The following NOVA1 variants were observed in gnomAD, a reference collection of about 807,000 sequenced individuals.
NOVA1 encodes the protein RNA-binding protein Nova-1.
A neutral mutation model predicts 38.0 loss-of-function variants in NOVA1; 7 were observed. That is an observed-to-expected ratio of 0.18 (90% CI 0.10 to 0.35). The LOEUF (loss-of-function observed/expected upper bound fraction) is 0.35. Among genes scored for constraint, NOVA1 ranks in the 10% least tolerant of loss-of-function variants. The pLI is 1.00. For synonymous variants in NOVA1, 270 were observed against 232.5 expected (o/e 1.16, Z -1.47); for missense variants, 460 against 616.0 (o/e 0.75, Z 2.68).
chr14:26,554,567 G>A (rs1199501783), intron 2 of NOVA1, among the ~76,000 whole-genome samples: 2 of 151,970 alleles, frequency 1.3e-5, no homozygotes, highest in African/African-American at 4.8e-5. Context: ...GAAGTGCTCA[G>A]AAATCTATGA....
chr14:26,462,069 A>G (rs1369379994), intron 4 of NOVA1, among the ~76,000 whole-genome samples: 2 of 152,192 alleles, frequency 1.3e-5, no homozygotes. Context: ...ATTATTGACA[A>G]AAAGATTTTT....
intron 2 of NOVA1, among the ~76,000 whole-genome samples, chr14:26,555,823 C>T (rs941802951): frequency 5.3e-5 from 8 of 152,048 alleles, no homozygotes; most frequent in African/African-American, 1.9e-4. Context: ...TAATCTGCTA[C>T]CGTAATTTGT....
intron 2 of NOVA1, among the ~76,000 whole-genome samples, chr14:26,517,287 G>T (rs1888540686): frequency 6.6e-6 from 1 of 152,066 alleles, no homozygotes; most frequent in Admixed American, 6.6e-5. Context: ...CTTTTTGCTA[G>T]AATGCTCTTT....
chr14:26,546,753 C>G (rs994656830), intron 2 of NOVA1, among the ~76,000 whole-genome samples: 5 of 152,132 alleles, frequency 3.3e-5, no homozygotes, highest in Admixed American at 1.3e-4. Flanking sequence ...GGTGCAGTGG[C>G]TCACACCTGT....
At chr14:26,579,447 G>A (rs1893075835) in intron 2 of NOVA1, among the ~76,000 whole-genome samples, 1 of 152,068 alleles carries the variant, frequency 6.6e-6, no homozygotes, top group South Asian at 2.1e-4. Context: ...CTTCCACAAA[G>A]CAATCTAAGA....
At chr14:26,535,522 A>T (rs1245198) in intron 2 of NOVA1, among the ~76,000 whole-genome samples, 21 of 152,058 alleles carry the variant, frequency 1.4e-4, no homozygotes, top group Non-Finnish European at 4.4e-5. Context: ...AAGGATTAAT[A>T]TAACAGTGGA....
In NOVA1 at chr14:26,592,267, G is replaced by A. The variant is rs181763184; in HGVS notation, c.280+3143C>T. Among the ~76,000 whole-genome samples the A allele has an allele frequency of 1.4e-3, 211 of 151,270 alleles. 1 individual carries two copies. The highest frequency in any genetic ancestry group is 3.4e-3 in the Middle Eastern group (1 of 290). ...AATAAAAGAATAAAAATAAACTATCGTCACTCTGAAAAGGCATACAATAAT... is the reference window on the plus strand; with the variant it reads ...AATAAAAGAATAAAAATAAACTATCATCACTCTGAAAAGGCATACAATAAT... On this transcript the variant is annotated intron_variant, in intron 2 of 4. Coordinates refer to ENST00000539517, the MANE Select transcript of NOVA1 (RefSeq NM_002515.3).
At chr14:26,558,403 G>A (rs1408308707) in intron 2 of NOVA1, among the ~76,000 whole-genome samples, 1 of 152,066 alleles carries the variant, frequency 6.6e-6, no homozygotes, top group Non-Finnish European at 1.5e-5. Flanking sequence ...ACTGTGTTAG[G>A]AGCAGAGGGA....
chr14:26,518,062 G>C (rs913641069), intron 2 of NOVA1, among the ~76,000 whole-genome samples: 1 of 151,882 alleles, frequency 6.6e-6, no homozygotes, highest in African/African-American at 2.4e-5. Context: ...ATAAGTACAG[G>C]TCCAATACTT....
chr14:26,559,451 A>G (rs1016606254), intron 2 of NOVA1, among the ~76,000 whole-genome samples: 5 of 152,150 alleles, frequency 3.3e-5, no homozygotes, highest in Admixed American at 2.0e-4. Context: ...TTTTTATATG[A>G]GATCCTCTTA....
chr14:26,563,178 GAAGA>G (rs1210597099), intron 2 of NOVA1, among the ~76,000 whole-genome samples: 3 of 151,458 alleles, frequency 2.0e-5, no homozygotes, highest in Admixed American at 6.6e-5. Flanking sequence ...ACTAAAACCA[GAAGA>G]AAGAAAGAAG....
chr14:26,541,235 A>C (rs1890447794), intron 2 of NOVA1, among the ~76,000 whole-genome samples: 1 of 152,052 alleles, frequency 6.6e-6, no homozygotes, highest in African/African-American at 2.4e-5. Context: ...ACGCATAAAA[A>C]CCAAGTATCA....
chr14:26,526,408 T>G (rs8016226), intron 2 of NOVA1, among the ~76,000 whole-genome samples: 37,817 of 151,926 alleles, frequency 0.25, 5,547 homozygotes, highest in African/African-American at 0.4. Flanking sequence ...AAACACTCCA[T>G]GTCTTTTCAG....
At chr14:26,545,816 T>C (rs1193938139) in intron 2 of NOVA1, among the ~76,000 whole-genome samples, 1 of 152,108 alleles carries the variant, frequency 6.6e-6, no homozygotes, top group African/African-American at 2.4e-5. Flanking sequence ...AGAAAGATTA[T>C]ATACACATAT....
chr14:26,532,990 G>C (rs1352378190), intron 2 of NOVA1, among the ~76,000 whole-genome samples: 1 of 151,998 alleles, frequency 6.6e-6, no homozygotes, highest in Non-Finnish European at 1.5e-5. Flanking sequence ...GTCTATAATA[G>C]ATAACTTTGG....
chr14:26,453,613 T>C (rs902540227), intron 4 of NOVA1, among the ~76,000 whole-genome samples: 4 of 152,172 alleles, frequency 2.6e-5, no homozygotes, highest in African/African-American at 4.8e-5. Context: ...AATATTGATA[T>C]GTTTCTAATT....
Position 26,522,195 on chromosome 14 carries a change from G to A in NOVA1, c.281-42052C>T, listed in dbSNP as rs1426819773. Among the ~76,000 whole-genome samples the A allele has an allele frequency of 2.6e-5, 4 of 152,158 alleles. No individual in the cohort carries two copies. In the East Asian group the frequency reaches 5.8e-4, roughly 22 times the overall value. ...TTCTCTTAATATTTGCTTTTAGCAG[G>A]CCATTATATTGCAGAGTAATCACTG... On this transcript the variant is annotated intron_variant, in intron 2 of 4. Transcript: ENST00000539517.
At chr14:26,554,825 T>C (rs558827884) in intron 2 of NOVA1, among the ~76,000 whole-genome samples, 3 of 152,296 alleles carry the variant, frequency 2.0e-5, no homozygotes, top group South Asian at 2.1e-4. Context: ...TTTATTATTC[T>C]TAGGAACAAC....
intron 2 of NOVA1, among the ~76,000 whole-genome samples, chr14:26,497,011 T>G (rs1466288019): frequency 6.6e-6 from 1 of 152,144 alleles, no homozygotes; most frequent in African/African-American, 2.4e-5. Context: ...TTTGAAGTAG[T>G]TTTTTCCAAT....
Sources: gnomAD v4.1 joint callset for allele counts (sites outside exome capture counted in the v4.1 genomes callset) on GRCh38, gnomAD v4.1.1 for gene constraint, MANE v1.5 for transcripts, NCBI Gene and HGNC (gene_info 2026-07-23, HGNC 2026-07-21) for gene names.